The following HOXB2 variants were observed in gnomAD, a reference collection of about 807,000 sequenced individuals.
HOXB2 encodes homeobox B2, also known as homeobox protein Hox-B2.
A neutral mutation model predicts 13.1 loss-of-function variants in HOXB2; 14 were observed. That is an observed-to-expected ratio of 1.07 (90% CI 0.71 to 1.67). The LOEUF (loss-of-function observed/expected upper bound fraction) is 1.67. Ranked by LOEUF, HOXB2 falls within the 40% of genes most tolerant of loss-of-function variation. The probability of loss-of-function intolerance (pLI) is 0.00; values close to 1 mark genes in which losing one functional copy is unlikely to be tolerated. For synonymous variants in HOXB2, 261 were observed against 233.1 expected (o/e 1.12, Z -1.09); for missense variants, 582 against 488.3 (o/e 1.19, Z -1.81).
At position 48,544,637 on chromosome 17, in the gene HOXB2, G is replaced by A. The variant is rs780978145; in HGVS notation, c.275C>T (p.Ala92Val). The A allele has an allele frequency of 3.4e-5, 54 of 1,611,828 alleles. No homozygotes were observed. The Admixed American group carries it at 8.8e-4, about 26-fold the overall frequency. ...CTCTTTCATCCAAGGGAACTCGGGG[G>A]CCGGGGGGGCAGCGGGGAGTGGCGG... Reference protein sequence around the residue: ...PPPPLPAAPPAPEFPWMKEKK... With the variant: ...PPPPLPAAPPVPEFPWMKEKK... The change falls in exon 1 of 2, where the codon GCC becomes GTC. Residue 92 changes from alanine to valine, a missense_variant. Transcript: ENST00000330070.
chr17:48,543,845 C>T (rs1474197500), intron 1 of HOXB2, 98 bp from the exon 2 acceptor site: 1 of 1,381,602 alleles, frequency 7.2e-7, no homozygotes, highest in Non-Finnish European at 9.5e-7. Context: ...CACCTCTCCC[C>T]TTCCTCGCCA....
Position 48,544,986 on chromosome 17 carries a change from A to C in HOXB2, c.-75T>G, listed in dbSNP as rs879002160. 286 of 1,131,212 alleles carry C rather than the reference A, an allele frequency of 2.5e-4. No individual in the cohort carries two copies. The highest frequency in any genetic ancestry group is 7.7e-4 in the South Asian group (42 of 54,760). The allele number at this position is 1,131,212 out of a possible 1,614,324, so 70.1% of individuals were successfully genotyped here. ...GGATCGGAAGGGACCCCCCTCCTGC[A>C]CCCCCCCCGATTTATGTAATGGAGC... On this transcript the variant is annotated 5_prime_UTR_variant, in exon 1 of 2. Transcript: ENST00000330070.
Position 48,543,584 on chromosome 17 carries a change from C to T in HOXB2, c.555G>A (p.Arg185=). The T allele has an allele frequency of 6.2e-7, 1 of 1,613,500 alleles. No homozygotes were observed. ...GGTTCTGAAACCAGACTTTGACCTG[C>T]CTTTCGGTGAGGTCCAGCAAGGCCG... ...EIAALLDLTE[R]QVKVWFQNRR... is the part of the protein sequence containing the mutation. The change falls in exon 2 of 2, where the codon AGG becomes AGA. Residue 185 remains arginine, a synonymous_variant. Transcript: ENST00000330070.
chr17:48,542,995 T>C lies in HOXB2; in HGVS notation c.*73A>G. On this transcript the variant is annotated 3_prime_UTR_variant, in exon 2 of 2. Coordinates refer to ENST00000330070, the MANE Select transcript of HOXB2 (RefSeq NM_002145.4). ...ACACATAAGTCTATGCGACTGAGGG[T>C]GGGAGAGGCTCGATTTTTCCAGTAG... 1 of 1,224,994 alleles carries C rather than the reference T, an allele frequency of 8.2e-7. No homozygotes were observed. The highest frequency in any genetic ancestry group is 1.5e-5 in the South Asian group (1 of 66,716). The allele number at this position is 1,224,994 out of a possible 1,614,324, so 75.9% of individuals were successfully genotyped here. A position where few individuals can be genotyped will look rare whatever the true frequency, so the allele number is the denominator to read the frequency against.
In HOXB2 at chr17:48,544,657, TGGCGGCGGC is replaced by T; in HGVS notation, c.246_254del (p.Pro83_Pro85del). 2 of 1,610,074 alleles carry T rather than the reference TGGCGGCGGC, an allele frequency of 1.2e-6. No homozygotes were observed. Among genetic ancestry groups the T allele is most frequent in the Non-Finnish European group, 1.7e-6 (2 of 1,178,778 alleles). ...CGGGGGCCGGGGGGGCAGCGGGGAGTGGCGGCGGCGGTGGCGGCGGCAGAGCAGGCCCAT... is the reference window on the plus strand; with the variant it reads ...CGGGGGCCGGGGGGGCAGCGGGGAGTGGTGGCGGCGGCAGAGCAGGCCCAT... On this transcript the variant is annotated inframe_deletion, in exon 1 of 2. Coordinates refer to ENST00000330070, the MANE Select transcript of HOXB2 (RefSeq NM_002145.4).
chr17:48,544,201 A>G lies in HOXB2; in HGVS notation c.391+320T>C, dbSNP rs2068541560. On this transcript the variant is annotated intron_variant, in intron 1 of 1. Coordinates refer to ENST00000330070, the MANE Select transcript of HOXB2 (RefSeq NM_002145.4). Reference sequence around the variant, plus strand: ...TCTGCTTCTAGGGTCTATCCCAGCAACAACATACTCATTCCCCTACACAGA... The same window carrying G: ...TCTGCTTCTAGGGTCTATCCCAGCAGCAACATACTCATTCCCCTACACAGA... 6 of 1,271,058 alleles carry G rather than the reference A, an allele frequency of 4.7e-6. No individual in the cohort carries two copies. The Admixed American group carries it at 1.9e-4, about 40-fold the overall frequency. 78.7% of individuals were successfully genotyped at this position (1,271,058 alleles called of 1,614,324 possible). A position where few individuals can be genotyped will look rare whatever the true frequency, so the allele number is the denominator to read the frequency against.
chr17:48,544,948 G>GGGGGC lies in HOXB2; in HGVS notation c.-38_-37insGCCCC. 1 of 1,051,208 alleles carries GGGGGC rather than the reference G, an allele frequency of 9.5e-7. No homozygotes were observed. The highest frequency in any genetic ancestry group is 1.8e-5 in the African/African-American group (1 of 54,384). 65.1% of individuals were successfully genotyped at this position (1,051,208 alleles called of 1,614,324 possible). ...GTGGGGGAGGGGGCTGCTGGGGGGGGCGTCAGGAGGGAGGATCGGAAGGGA... is the reference window on the plus strand; with the variant it reads ...GTGGGGGAGGGGGCTGCTGGGGGGGGGGGGCCGTCAGGAGGGAGGATCGGAAGGGA... On this transcript the variant is annotated 5_prime_UTR_variant, in exon 1 of 2. Coordinates refer to ENST00000330070, the MANE Select transcript of HOXB2 (RefSeq NM_002145.4).
Position 48,544,552 on chromosome 17 carries a change from G to A in HOXB2, c.360C>T (p.Ala120=), listed in dbSNP as rs367803419. The A allele has an allele frequency of 3.7e-6, 6 of 1,606,680 alleles. No homozygotes were observed. Among genetic ancestry groups the A allele is most frequent in the Admixed American group, 3.3e-5 (2 of 60,012 alleles). ...SATSPSPAAS[A]VPASGVGSPA... is the part of the protein sequence containing the mutation. ...GCGATCCGACCCCGGAGGCCGGAACGGCGGAGGCGGCCGGAGAAGGAGACG... is the reference window on the plus strand; with the variant it reads ...GCGATCCGACCCCGGAGGCCGGAACAGCGGAGGCGGCCGGAGAAGGAGACG... Residue 120 remains alanine (A), a synonymous_variant, in exon 1 of 2, where the codon GCC becomes GCT. Transcript: ENST00000330070.
At position 48,543,541 on chromosome 17, in the gene HOXB2, G is replaced by T. The variant is rs2144704623; in HGVS notation, c.598C>A (p.Arg200=). The part of the protein sequence containing the change: ...WFQNRRMKHK[R]QTQHREPPDG... ...GGCGGCTCTCGGTGCTGCGTCTGCCGCTTGTGCTTCATGCGCCGGTTCTGA... is the reference window on the plus strand; with the variant it reads ...GGCGGCTCTCGGTGCTGCGTCTGCCTCTTGTGCTTCATGCGCCGGTTCTGA... The change falls in exon 2 of 2, where the codon CGG becomes AGG. Residue 200 remains arginine (R), a synonymous_variant. Coordinates refer to ENST00000330070, the MANE Select transcript of HOXB2 (RefSeq NM_002145.4). The T allele has an allele frequency of 6.2e-7, 1 of 1,612,984 alleles. No individual in the cohort carries two copies.
intron 1 of HOXB2, 28 bp from the exon 2 acceptor site, chr17:48,543,775 A>T (rs2068532558): frequency 6.4e-7 from 1 of 1,564,198 alleles, no homozygotes; most frequent in African/African-American, 1.3e-5. Context: ...TCGGCGTCAT[A>T]GCGGGCCGTG....
In HOXB2 at chr17:48,543,812, AC is replaced by A. The variant is rs1334097086; in HGVS notation, c.392-66del. On this transcript the variant is annotated intron_variant, in intron 1 of 1. Transcript: ENST00000330070. ...ACTCAGCCCAACCTCAGTTCGGACT[AC>A]CCCATCCTCCAAAACCAGTATCACC... 10 of 1,494,776 alleles carry A rather than the reference AC, an allele frequency of 6.7e-6. No individual in the cohort carries two copies. The East Asian group carries it at 2.3e-4, about 35-fold the overall frequency. 92.6% of individuals were successfully genotyped at this position (1,494,776 alleles called of 1,614,324 possible). A position where few individuals can be genotyped will look rare whatever the true frequency, so the allele number is the denominator to read the frequency against.
rs747142697 is a variant in HOXB2 at position 48,544,940 on chromosome 17, T to TGG, written c.-31_-30dup. The TGG allele has an allele frequency of 1.8e-5, 5 of 271,666 alleles. No individual in the cohort carries two copies. The highest frequency in any genetic ancestry group is 7.3e-5 in the African/African-American group (1 of 13,616). 16.8% of individuals were successfully genotyped at this position (271,666 alleles called of 1,614,324 possible). The stretch of plus-strand genomic sequence containing the variant: ...TTTCAATGGTGGGGGAGGGGGCTGC[T>TGG]GGGGGGGGCGTCAGGAGGGAGGATC... On this transcript the variant is annotated 5_prime_UTR_variant, in exon 1 of 2. Transcript: ENST00000330070.
In HOXB2 at chr17:48,542,912, A is replaced by T; in HGVS notation, c.*156T>A. On this transcript the variant is annotated 3_prime_UTR_variant, in exon 2 of 2. Transcript: ENST00000330070. ...GATAACCGAGTGCCCAATATTTTAG[A>T]AGAAGAAGAAAGGGAGTGGATTAAA... 1 of 480,814 alleles carries T rather than the reference A, an allele frequency of 2.1e-6. No homozygotes were observed. Among genetic ancestry groups the T allele is most frequent in the Non-Finnish European group, 3.6e-6 (1 of 280,618 alleles). 29.8% of individuals were successfully genotyped at this position (480,814 alleles called of 1,614,324 possible).
In HOXB2 at chr17:48,544,780, A is replaced by G; in HGVS notation, c.132T>C (p.Pro44=). 2 of 1,614,058 alleles carry G rather than the reference A, an allele frequency of 1.2e-6. No individual in the cohort carries two copies. Among genetic ancestry groups the G allele is most frequent in the Non-Finnish European group, 1.7e-6 (2 of 1,179,980 alleles). The change falls in exon 1 of 2, where the codon CCT becomes CCC. Residue 44 remains proline, a synonymous_variant. Transcript: ENST00000330070. ...TSSIKESTLI[P]PPPPFEQTFP... The stretch of plus-strand genomic sequence containing the variant: ...AGGTTTGCTCGAAAGGAGGAGGAGG[A>G]GGAATTAATGTCGACTCCTTGATTG...
chr17:48,544,830 C>T lies in HOXB2; in HGVS notation c.82G>A (p.Val28Ile). 1 of 1,613,618 alleles carries T rather than the reference C, an allele frequency of 6.2e-7. No homozygotes were observed. The highest frequency in any genetic ancestry group is 1.1e-5 in the South Asian group (1 of 91,056). Residue 28 changes from valine to isoleucine, a missense_variant, in exon 1 of 2, where the codon GTC (valine) becomes ATC (isoleucine). Coordinates refer to ENST00000330070, the MANE Select transcript of HOXB2 (RefSeq NM_002145.4). ...GATGAAGTTTGAAATGTCTCCAAGACAGCGGGGAAGGAAGTCAGACACTCG... is the reference window on the plus strand; with the variant it reads ...GATGAAGTTTGAAATGTCTCCAAGATAGCGGGGAAGGAAGTCAGACACTCG... Reference protein sequence around the residue: ...LAECLTSFPAVLETFQTSSIK... With the variant: ...LAECLTSFPAILETFQTSSIK...
Position 48,543,306 on chromosome 17 carries a change from G to A in HOXB2, c.833C>T (p.Ala278Val). 6.2e-7 allele frequency: 1 copy of A among 1,601,764 alleles called. No homozygotes were observed. The highest frequency in any genetic ancestry group is 1.3e-5 in the African/African-American group (1 of 74,630). The change falls in exon 2 of 2, where the codon GCG (alanine) becomes GTG (valine). Residue 278 changes from alanine (A) to valine (V), a missense_variant. Coordinates refer to ENST00000330070, the MANE Select transcript of HOXB2 (RefSeq NM_002145.4). ...CTCCAGCCCGCCGGCCCCGCGCAGC[G>A]CGCAGCCGGGACTCGACGCGCCTGC... ...EGAGASSPGC[A>V]LRGAGGLEPG...
intron 1 of HOXB2, 69 bp from the exon 2 acceptor site, chr17:48,543,816 C>T: frequency 6.7e-7 from 1 of 1,493,562 alleles, no homozygotes; most frequent in South Asian, 1.3e-5. Context: ...CGGACTACCC[C>T]ATCCTCCAAA....
At position 48,542,982 on chromosome 17, in the gene HOXB2, A is replaced by G. The variant is rs998993516; in HGVS notation, c.*86T>C. The stretch of plus-strand genomic sequence containing the variant: ...GAATTTTAGCAAAACACATAAGTCT[A>G]TGCGACTGAGGGTGGGAGAGGCTCG... On this transcript the variant is annotated 3_prime_UTR_variant, in exon 2 of 2. Transcript: ENST00000330070. The G allele has an allele frequency of 7.6e-6, 8 of 1,048,676 alleles. No individual in the cohort carries two copies. The highest frequency in any genetic ancestry group is 2.5e-5 in the East Asian group (1 of 39,488). The allele number at this position is 1,048,676 out of a possible 1,614,324, so 65.0% of individuals were successfully genotyped here.
chr17:48,543,851 C>T, intron 1 of HOXB2, 104 bp from the exon 2 acceptor site: 1 of 1,302,722 alleles, frequency 7.7e-7, no homozygotes, highest in Non-Finnish European at 1.0e-6. Flanking sequence ...TCCCCTTCCT[C>T]GCCACCCCAC....
Sources: allele counts gnomAD v4.1 joint callset, GRCh38; gene constraint gnomAD v4.1.1; transcripts MANE v1.5; gene names NCBI Gene and HGNC (gene_info 2026-07-23, HGNC 2026-07-21).